HOATZ: variants seen among roughly 807,000 people sequenced by gnomAD.
HOATZ encodes cilia- and flagella-associated protein HOATZ.
Under a neutral mutation model 24.9 loss-of-function variants are expected in HOATZ, and 26 were observed. That is an observed-to-expected ratio of 1.04 (90% CI 0.76 to 1.45). The LOEUF is 1.45. HOATZ is among the 40% of genes most tolerant of loss of function. HOATZ has a pLI of 0.00. For missense variants in HOATZ, 226 were observed against 201.5 expected (o/e 1.12, Z -0.74); for synonymous variants, 83 against 76.6 (o/e 1.08, Z -0.43).
At chr11:111,516,177 C>T (rs905981731) in intron 3 of HOATZ, 67 bp downstream of exon 3, 13 of 993,958 alleles carry the variant, frequency 1.3e-5, no homozygotes, top group Non-Finnish European at 1.7e-5. Context: ...ATTTTTTAAA[C>T]ACATGTATAT....
At chr11:111,518,059 C>T (rs78135991) in intron 3 of HOATZ, among the ~76,000 whole-genome samples, 1,707 of 152,306 alleles carry the variant, frequency 0.011, 36 homozygotes, top group African/African-American at 0.039. Context: ...CCAAGGAACA[C>T]TATTTACACC....
chr11:111,533,746 G>T lies in HOATZ; in HGVS notation c.340G>T (p.Ala114Ser), dbSNP rs370825951. ...SEEKVKYLQK[A>S]KTREEILQLL... ...CCCACTTTTTTCTTTCTTTAAACAG[G>T]CTAAAACAAGAGAAGAGATTCTCCA... The change falls in exon 4 of 6, where the codon GCT becomes TCT. Residue 114 changes from alanine (A) to serine (S), a missense_variant and splice_region_variant. Ala to Ser is a moderately conservative substitution (Grantham distance 99). Coordinates refer to ENST00000375618, the MANE Select transcript of HOATZ (RefSeq NM_001100388.2). 34 of 1,585,120 alleles carry T rather than the reference G, an allele frequency of 2.1e-5. No individual in the cohort carries two copies. Among genetic ancestry groups the T allele is most frequent in the Non-Finnish European group, 2.7e-5 (32 of 1,171,080 alleles).
chr11:111,527,626 A>T (rs1867353432), intron 3 of HOATZ, among the ~76,000 whole-genome samples: 1 of 152,228 alleles, frequency 6.6e-6, no homozygotes, highest in African/African-American at 2.4e-5. Flanking sequence ...TTTAAAGTGC[A>T]TAGTAGATAA....
chr11:111,524,916 CA>C, intron 3 of HOATZ: 1 of 445,806 alleles, frequency 2.2e-6, no homozygotes, highest in Non-Finnish European at 4.5e-6. Flanking sequence ...GAATGAAGTG[CA>C]GTGGCATGAT....
At chr11:111,530,124 C>T (rs1382809516) in intron 3 of HOATZ, among the ~76,000 whole-genome samples, 1 of 152,184 alleles carries the variant, frequency 6.6e-6, no homozygotes, top group African/African-American at 2.4e-5. Flanking sequence ...CACCATCTGT[C>T]ATGCATTTCA....
rs1282255316 is a variant in HOATZ, at chr11:111,534,411, G to A, written c.400-1G>A. ...TTGATTTTTATTTTGTTTTGTTTCA[G>A]AAAGAACTGATTTCCCTTCCGTATA... is the stretch of plus-strand genomic sequence containing the variant. On this transcript the variant is annotated splice_acceptor_variant, in intron 4 of 5. Coordinates refer to ENST00000375618, the MANE Select transcript of HOATZ (RefSeq NM_001100388.2). LOFTEE classifies it high-confidence loss of function. The A allele has an allele frequency of 1.9e-6, 3 of 1,608,510 alleles. No homozygotes were observed. The highest frequency in any genetic ancestry group is 2.2e-5 in the East Asian group (1 of 44,828).
intron 3 of HOATZ, among the ~76,000 whole-genome samples, chr11:111,522,255 T>C (rs182945291): frequency 6.6e-6 from 1 of 152,228 alleles, no homozygotes; most frequent in Non-Finnish European, 1.5e-5. Context: ...CAAAAAAGGA[T>C]CATGTACATT....
chr11:111,533,799 G>C lies in HOATZ; in HGVS notation c.393G>C (p.Arg131Ser), dbSNP rs1025013518. The C allele has an allele frequency of 1.3e-6, 2 of 1,570,440 alleles. No individual in the cohort carries two copies. The highest frequency in any genetic ancestry group is 2.8e-5 in the African/African-American group (2 of 71,568). ...LQLLRKQREE[R>S]ISKELISLPY... ...TCTTAAGAAAACAAAGAGAAGAAAG[G>C]ATCTCGGTGAGACCAATAGTGAGGC... The change falls in exon 4 of 6, where the codon AGG becomes AGC. Residue 131 changes from arginine (R) to serine (S), a missense_variant. Physicochemically the swap from Arg to Ser is moderately radical, Grantham distance 110 (BLOSUM62 -1). Coordinates refer to ENST00000375618, the MANE Select transcript of HOATZ (RefSeq NM_001100388.2).
rs12294424 is a variant in HOATZ at position 111,515,413 on chromosome 11, G to C, written c.227-98G>C. The C allele has an allele frequency of 4.0e-3, 3,928 of 979,244 alleles. 90 individuals carry two copies. In the African/African-American group the frequency reaches 0.053, roughly 13 times the overall value. The allele number at this position is 979,244 out of a possible 1,614,324, so 60.7% of individuals were successfully genotyped here. On this transcript the variant is annotated intron_variant, in intron 1 of 5. Coordinates refer to ENST00000375618, the MANE Select transcript of HOATZ (RefSeq NM_001100388.2). ...AGCCCTTAGTGAGGCCTAGGATGTG[G>C]AAACTGTTATGCAATTGTTATAGTA...
intron 3 of HOATZ, among the ~76,000 whole-genome samples, chr11:111,525,899 G>A (rs958213674): frequency 7.9e-5 from 12 of 152,196 alleles, no homozygotes; most frequent in African/African-American, 2.4e-4. Flanking sequence ...TCAAAGACAC[G>A]AACTCTGCCC....
At chr11:111,532,252 C>G (rs1016299552) in intron 3 of HOATZ, among the ~76,000 whole-genome samples, 7 of 152,198 alleles carry the variant, frequency 4.6e-5, no homozygotes, top group African/African-American at 1.7e-4. Context: ...TGTTCAGCCA[C>G]TAACACATAA....
chr11:111,519,802 T>C (rs1290896602), intron 3 of HOATZ, among the ~76,000 whole-genome samples: 1 of 152,218 alleles, frequency 6.6e-6, no homozygotes, highest in Non-Finnish European at 1.5e-5. Flanking sequence ...CCATAAATTC[T>C]CTTTAAGGTT....
chr11:111,533,793 A>G lies in HOATZ; in HGVS notation c.387A>G (p.Glu129=). ...EILQLLRKQR[E]ERISKELISL... ...TCCAACTCTTAAGAAAACAAAGAGA[A>G]GAAAGGATCTCGGTGAGACCAATAG... The change falls in exon 4 of 6, where the codon GAA becomes GAG. Residue 129 remains glutamate (E), a synonymous_variant. Transcript: ENST00000375618. The G allele has an allele frequency of 1.3e-6, 2 of 1,575,598 alleles. No individual in the cohort carries two copies. Among genetic ancestry groups the G allele is most frequent in the Non-Finnish European group, 1.7e-6 (2 of 1,169,114 alleles).
At chr11:111,534,486 A>G (rs769502039) in intron 5 of HOATZ, 22 bp downstream of exon 5, 1 of 1,563,722 alleles carries the variant, frequency 6.4e-7, no homozygotes, top group Non-Finnish European at 8.8e-7. Context: ...TATGTCAAAA[A>G]TATTCTCTCA....
chr11:111,529,189 C>T (rs928000238), intron 3 of HOATZ, among the ~76,000 whole-genome samples: 1 of 152,020 alleles, frequency 6.6e-6, no homozygotes, highest in African/African-American at 2.4e-5. Flanking sequence ...AAAATTTTAG[C>T]AGGTTCAAAA....
At chr11:111,527,756 T>C (rs953158072) in intron 3 of HOATZ, among the ~76,000 whole-genome samples, 2 of 152,210 alleles carry the variant, frequency 1.3e-5, no homozygotes, top group Non-Finnish European at 2.9e-5. Context: ...AGTAAATTCA[T>C]AGAGTAAATT....
At chr11:111,520,754 C>T (rs1427492953) in intron 3 of HOATZ, among the ~76,000 whole-genome samples, 1 of 152,186 alleles carries the variant, frequency 6.6e-6, no homozygotes, top group Non-Finnish European at 1.5e-5. Flanking sequence ...AATCTTGTGC[C>T]ATCCCACTTG....
chr11:111,514,977 C>CCGGTGG lies in HOATZ; in HGVS notation c.196_201dup (p.Val66_Ala67dup). ...GCGCAGAGACAGCAGTCAGCGTCTG[C>CCGGTGG]CGGTGGCGCGGCCCAGGAGGAGCAG... is the stretch of plus-strand genomic sequence containing the variant. On this transcript the variant is annotated inframe_insertion, in exon 1 of 6. Coordinates refer to ENST00000375618, the MANE Select transcript of HOATZ (RefSeq NM_001100388.2). 6.2e-7 allele frequency: 1 copy of CCGGTGG among 1,613,432 alleles called. No individual in the cohort carries two copies. The highest frequency in any genetic ancestry group is 8.5e-7 in the Non-Finnish European group (1 of 1,179,964).
chr11:111,524,273 G>A (rs138620674), intron 3 of HOATZ, among the ~76,000 whole-genome samples: 213 of 152,356 alleles, frequency 1.4e-3, no homozygotes, highest in Non-Finnish European at 2.5e-3. Flanking sequence ...ACAGAAAAGA[G>A]TGGAAGTACA....
Sources: allele counts gnomAD v4.1 joint callset (sites outside exome capture counted in the v4.1 genomes callset), GRCh38; gene constraint gnomAD v4.1.1; transcripts MANE v1.5; gene names NCBI Gene and HGNC (gene_info 2026-07-23, HGNC 2026-07-21).